KCNH7: variants seen among roughly 807,000 people sequenced by gnomAD.
KCNH7 encodes the protein voltage-gated inwardly rectifying potassium channel KCNH7.
In KCNH7, 49 loss-of-function variants were observed where a neutral mutation model predicts 120.8. The observed-to-expected ratio is 0.41, with a 90% CI of 0.32 to 0.51. KCNH7 has a LOEUF of 0.51. KCNH7 is among the 20% of genes least tolerant of loss of function. KCNH7 has a pLI of 0.38. For synonymous variants in KCNH7, 547 were observed against 516.1 expected, an observed-to-expected ratio of 1.06 and a Z score of -0.81; for missense variants, 1,097 against 1,446.6, an observed-to-expected ratio of 0.76 and a Z score of 3.92.
At chr2:162,714,619 T>C (rs1687044092) in intron 2 of KCNH7, among the ~76,000 whole-genome samples, 1 of 152,172 alleles carries the variant, frequency 6.6e-6, no homozygotes. Context: ...GCAAACTTTC[T>C]CTGTAAAGGA....
Position 162,609,831 on chromosome 2 carries a change from C to T in KCNH7, c.308-72751G>A, listed in dbSNP as rs147600359. Among the ~76,000 whole-genome samples the T allele has an allele frequency of 4.2e-3, 632 of 152,216 alleles. 3 individuals carry two copies. The highest frequency in any genetic ancestry group is 0.01 in the Middle Eastern group (3 of 294). The stretch of plus-strand genomic sequence containing the variant: ...ATGGGTGGAGGGGCAGGAAAAGGGT[C>T]TAACAGTGCATAACACTCTGGGGAC... On this transcript the variant is annotated intron_variant, in intron 2 of 15. Transcript: ENST00000332142.
At chr2:162,508,118 A>G (rs1367896964) in intron 5 of KCNH7, among the ~76,000 whole-genome samples, 1 of 151,566 alleles carries the variant, frequency 6.6e-6, no homozygotes, top group Non-Finnish European at 1.5e-5. Context: ...AAATAGGTTA[A>G]ATTATCTCTG....
At chr2:162,430,993 T>A (rs1573949139) in intron 8 of KCNH7, among the ~76,000 whole-genome samples, 1 of 152,180 alleles carries the variant, frequency 6.6e-6, no homozygotes, top group South Asian at 2.1e-4. Context: ...TTTTTTATTT[T>A]GAATTATACA....
chr2:162,579,415 C>T (rs983488009), intron 2 of KCNH7, among the ~76,000 whole-genome samples: 1 of 152,038 alleles, frequency 6.6e-6, no homozygotes, highest in Admixed American at 6.6e-5. Flanking sequence ...TGGAAAGAGC[C>T]ACTGTAATCA....
Position 162,383,643 on chromosome 2 carries a change from C to G in KCNH7, c.2962+1045G>C, listed in dbSNP as rs190052357. 5.1e-3 allele frequency among the ~76,000 whole-genome samples: 782 copies of G among 152,008 alleles called. 13 individuals are homozygous for G. The highest frequency in any genetic ancestry group is 0.018 in the African/African-American group (730 of 41,526). On this transcript the variant is annotated intron_variant, in intron 13 of 15. Transcript: ENST00000332142. ...TACTAATTTTGCTATCCTACCAGGC[C>G]TAGAACATCCTATTTTTCCTTTTCT... is the stretch of plus-strand genomic sequence containing the variant.
chr2:162,508,064 T>G (rs943546375), intron 5 of KCNH7, among the ~76,000 whole-genome samples: 1 of 151,646 alleles, frequency 6.6e-6, no homozygotes, highest in African/African-American at 2.4e-5. Context: ...TTTTCTTTTA[T>G]TTCTCCTGTA....
At chr2:162,753,380 A>G (rs1189853991) in intron 2 of KCNH7, among the ~76,000 whole-genome samples, 1 of 152,172 alleles carries the variant, frequency 6.6e-6, no homozygotes, top group African/African-American at 2.4e-5. Flanking sequence ...TTTAAAATAT[A>G]CCTTATAATT....
chr2:162,752,942 A>G (rs559879327), intron 2 of KCNH7, among the ~76,000 whole-genome samples: 6 of 100,764 alleles, frequency 6.0e-5, no homozygotes, highest in African/African-American at 3.6e-4. Flanking sequence ...AGAAAAGAAA[A>G]GAAAAGAAAA....
intron 2 of KCNH7, among the ~76,000 whole-genome samples, chr2:162,581,576 C>T (rs1406928419): frequency 6.8e-6 from 1 of 146,224 alleles, no homozygotes. Context: ...GGAAAATTAC[C>T]TTGTTTAACT....
In KCNH7 at chr2:162,816,757, A is replaced by G. The variant is rs188332979; in HGVS notation, c.307+19780T>C. On this transcript the variant is annotated intron_variant, in intron 2 of 15. Coordinates refer to ENST00000332142, the MANE Select transcript of KCNH7 (RefSeq NM_033272.4). ...AAAGTGGGAAAAATAAACTAAACCA[A>G]TGGCTTATCAGTATGAGTAGCCCTG... is the stretch of plus-strand genomic sequence containing the variant. 2.0e-5 allele frequency among the ~76,000 whole-genome samples: 3 copies of G among 152,298 alleles called. No individual in the cohort carries two copies. In the East Asian group the frequency reaches 5.8e-4, roughly 29 times the overall value.
intron 2 of KCNH7, among the ~76,000 whole-genome samples, chr2:162,823,715 T>G (rs1461388211): frequency 1.3e-5 from 2 of 152,196 alleles, no homozygotes; most frequent in Non-Finnish European, 2.9e-5. Flanking sequence ...TCTGCTGGAA[T>G]GAAAATTCAA....
At chr2:162,651,505 G>T (rs1684564038) in intron 2 of KCNH7, among the ~76,000 whole-genome samples, 1 of 152,056 alleles carries the variant, frequency 6.6e-6, no homozygotes, top group African/African-American at 2.4e-5. Context: ...AAGGATAATA[G>T]CCTCCAGCTC....
intron 2 of KCNH7, among the ~76,000 whole-genome samples, chr2:162,740,554 C>T (rs1226673449): frequency 6.6e-6 from 1 of 152,164 alleles, no homozygotes; most frequent in Non-Finnish European, 1.5e-5. Flanking sequence ...AAGAGAAAGG[C>T]ACAGAATACA....
intron 2 of KCNH7, among the ~76,000 whole-genome samples, chr2:162,760,187 G>T (rs56270832): frequency 0.042 from 6,423 of 151,972 alleles, 355 homozygotes; most frequent in African/African-American, 0.13. Flanking sequence ...GAAATCTAAC[G>T]CAGGGGATTC....
chr2:162,573,878 T>A (rs967061016), intron 2 of KCNH7, among the ~76,000 whole-genome samples: 1 of 151,970 alleles, frequency 6.6e-6, no homozygotes, highest in African/African-American at 2.4e-5. Context: ...TTAATACCTA[T>A]GCAAGGACAT....
At chr2:162,653,880 AC>A (rs1363829784) in intron 2 of KCNH7, among the ~76,000 whole-genome samples, 1 of 152,220 alleles carries the variant, frequency 6.6e-6, no homozygotes, top group African/African-American at 2.4e-5. Context: ...AGTGCCAAAA[AC>A]ATACAATGAA....
rs139079136 is a variant in KCNH7, at chr2:162,458,104, CGT to C, written c.1129-11663_1129-11662del. Among the ~76,000 whole-genome samples, 828 of 130,172 alleles carry C rather than the reference CGT, an allele frequency of 6.4e-3. 2 individuals carry two copies. The highest frequency in any genetic ancestry group is 0.02 in the South Asian group (84 of 4,218). 85.4% of individuals were successfully genotyped at this position (130,172 alleles called of 152,430 possible). On this transcript the variant is annotated intron_variant, in intron 6 of 15. Coordinates refer to ENST00000332142, the MANE Select transcript of KCNH7 (RefSeq NM_033272.4). Reference sequence around the variant, plus strand: ...ATTAAAATAGATATTTGGCTATGTGCGTGTGTGTGTGTGTGTGTGTGTGTGTG... The same window carrying C: ...ATTAAAATAGATATTTGGCTATGTGCGTGTGTGTGTGTGTGTGTGTGTGTG...
intron 2 of KCNH7, among the ~76,000 whole-genome samples, chr2:162,808,760 G>T (rs1357267394): frequency 2.6e-5 from 4 of 151,490 alleles, no homozygotes; most frequent in Admixed American, 6.6e-5. Flanking sequence ...TATAATAAAA[G>T]AATACTAATT....
intron 2 of KCNH7, among the ~76,000 whole-genome samples, chr2:162,662,728 T>G (rs1685007206): frequency 6.6e-6 from 1 of 152,186 alleles, no homozygotes; most frequent in Admixed American, 6.5e-5. Context: ...CTTGTTTGCT[T>G]GCTTGTTTAC....
Sources: gnomAD v4.1 joint callset for allele counts (sites outside exome capture counted in the v4.1 genomes callset) on GRCh38, gnomAD v4.1.1 for gene constraint, MANE v1.5 for transcripts, NCBI Gene and HGNC (gene_info 2026-07-23, HGNC 2026-07-21) for gene names.